The following PCDHGA7 variants were observed in gnomAD, a reference collection of about 807,000 sequenced individuals.
PCDHGA7 encodes the protein protocadherin gamma-A7.
In PCDHGA7, 44 loss-of-function variants were observed where a neutral mutation model predicts 58.3. The observed-to-expected ratio is 0.75, with a 90% CI of 0.59 to 0.97. PCDHGA7 has a LOEUF of 0.97. Among genes scored for constraint, PCDHGA7 ranks in the 50% least tolerant of loss-of-function variants. The probability of loss-of-function intolerance (pLI) is 0.00; values close to 1 mark genes in which losing one functional copy is unlikely to be tolerated. For missense variants in PCDHGA7, 1,266 were observed against 1,188.7 expected (o/e 1.06, Z -0.96); for synonymous variants, 516 against 504.2 (o/e 1.02, Z -0.31).
chr5:141,436,120 TC>T (rs2154556955), intron 1 of PCDHGA7, among the ~76,000 whole-genome samples: 1 of 152,344 alleles, frequency 6.6e-6, no homozygotes, highest in South Asian at 2.1e-4. Context: ...GAAACCTCTC[TC>T]CTCCATCATC....
At chr5:141,479,186 T>A (rs956575218) in intron 1 of PCDHGA7, 1 of 152,590 alleles carries the variant, frequency 6.6e-6, no homozygotes, top group Non-Finnish European at 1.5e-5. Flanking sequence ...GCTAGAAAAT[T>A]CAGAAAATAC....
chr5:141,449,165 G>A (rs144669334), intron 1 of PCDHGA7, among the ~76,000 whole-genome samples: 3 of 152,234 alleles, frequency 2.0e-5, no homozygotes, highest in Admixed American at 1.3e-4. Context: ...GGAAATAGGT[G>A]TAATTTTCTT....
At position 141,489,545 on chromosome 5, in the gene PCDHGA7, G is replaced by A. The variant is rs1396651116; in HGVS notation, c.2425-5262G>A. On this transcript the variant is annotated intron_variant, in intron 1 of 3. Transcript: ENST00000518325. The surrounding 1 kb of genome is among the most constrained non-coding windows in gnomAD (Gnocchi z 4.5). ...AGCCTATGTGGAGCCAGCACCAGCT[G>A]CCTGCTGCCAGTGCAGGTGGTGACT... 3 of 1,613,984 alleles carry A rather than the reference G, an allele frequency of 1.9e-6. No individual in the cohort carries two copies. The highest frequency in any genetic ancestry group is 2.5e-6 in the Non-Finnish European group (3 of 1,180,022).
rs374655655 is a variant in PCDHGA7, at chr5:141,431,023, C to A, written c.2424+45700C>A. 1 of 1,613,748 alleles carries A rather than the reference C, an allele frequency of 6.2e-7. No homozygotes were observed. The highest frequency in any genetic ancestry group is 2.2e-5 in the East Asian group (1 of 44,862). On this transcript the variant is annotated intron_variant, in intron 1 of 3. Coordinates refer to ENST00000518325, the MANE Select transcript of PCDHGA7 (RefSeq NM_018920.4). The surrounding 1 kb of genome is among the most constrained non-coding windows in gnomAD (Gnocchi z 4.8). ...GCAGCGGCAGCTTGGTCACGGCGGG[C>A]AGGATAGACCGGGAGGAGCTCTGTA...
chr5:141,503,924 G>C (rs1282755998), intron 2 of PCDHGA7, among the ~76,000 whole-genome samples: 1 of 152,146 alleles, frequency 6.6e-6, no homozygotes, highest in Non-Finnish European at 1.5e-5. Flanking sequence ...CACACACACA[G>C]ACATTTTCAT....
chr5:141,494,712 C>T, intron 1 of PCDHGA7, 95 bp from the exon 2 acceptor site: 1 of 1,603,048 alleles, frequency 6.2e-7, no homozygotes, highest in Non-Finnish European at 8.5e-7. Context: ...TCTGTGCCCA[C>T]TCCCCTCCTT....
chr5:141,431,288 C>T lies in PCDHGA7; in HGVS notation c.2424+45965C>T, dbSNP rs2097358193. ...GAGCTACGAGCTCAGCCCGAACACT[C>T]ACTTCTCCCTCATCGTGCAAAATGG... On this transcript the variant is annotated intron_variant, in intron 1 of 3. Transcript: ENST00000518325. This position sits in a 1 kb window ranked among gnomAD's most constrained non-coding sequence, Gnocchi z 4.8. 1 of 1,614,152 alleles carries T rather than the reference C, an allele frequency of 6.2e-7. No individual in the cohort carries two copies. Among genetic ancestry groups the T allele is most frequent in the East Asian group, 2.2e-5 (1 of 44,890 alleles).
At chr5:141,421,854 C>T (rs1402137870) in intron 1 of PCDHGA7, 9 of 1,613,644 alleles carry the variant, frequency 5.6e-6, no homozygotes. Flanking sequence ...AGGCTGCTCA[C>T]CTGCTCCTCC....
intron 1 of PCDHGA7, among the ~76,000 whole-genome samples, chr5:141,463,948 C>A (rs1397198849): frequency 6.6e-6 from 1 of 151,846 alleles, no homozygotes; most frequent in Non-Finnish European, 1.5e-5. Context: ...TAGAAATCTT[C>A]ATTTTTAAAA....
Position 141,432,149 on chromosome 5 carries a change from A to G in PCDHGA7, c.2424+46826A>G. The G allele has an allele frequency of 6.2e-7, 1 of 1,613,964 alleles. No individual in the cohort carries two copies. The highest frequency in any genetic ancestry group is 8.5e-7 in the Non-Finnish European group (1 of 1,179,986). On this transcript the variant is annotated intron_variant, in intron 1 of 3. Transcript: ENST00000518325. This position sits in a 1 kb window ranked among gnomAD's most constrained non-coding sequence, Gnocchi z 6.0. Reference sequence around the variant, plus strand: ...CTCCTATTCCGCTTATATCCCAGAGAACAATCCCAGAGGAGTTTCCCTCGT... The same window carrying G: ...CTCCTATTCCGCTTATATCCCAGAGGACAATCCCAGAGGAGTTTCCCTCGT...
At chr5:141,403,125 A>G (rs755647554) in intron 1 of PCDHGA7, 2 of 1,614,028 alleles carry the variant, frequency 1.2e-6, no homozygotes. Context: ...GAGCCCCGGG[A>G]GCTGGCGGAG....
At chr5:141,396,060 G>A (rs1309175410) in intron 1 of PCDHGA7, 1 of 152,318 alleles carries the variant, frequency 6.6e-6, no homozygotes, top group East Asian at 1.9e-4. Flanking sequence ...CCAATTAGCT[G>A]TTTCGGTTGT....
intron 1 of PCDHGA7, chr5:141,418,347 G>C: frequency 6.2e-7 from 1 of 1,614,024 alleles, no homozygotes; most frequent in Non-Finnish European, 8.5e-7. Context: ...CCTGATATTA[G>C]TATGAATTCG....
intron 1 of PCDHGA7, among the ~76,000 whole-genome samples, chr5:141,449,134 T>C (rs538592980): frequency 9.2e-4 from 140 of 152,242 alleles, no homozygotes; most frequent in Non-Finnish European, 1.8e-3. Context: ...AGAAATGGAA[T>C]TGAAATTGCT....
intron 1 of PCDHGA7, chr5:141,389,681 C>T (rs1172050771): frequency 1.2e-6 from 2 of 1,612,438 alleles, no homozygotes; most frequent in South Asian, 1.1e-5. Context: ...CAGGACACAA[C>T]GCCTGGCTGT....
intron 1 of PCDHGA7, chr5:141,400,116 C>G (rs2093964416): frequency 6.2e-7 from 1 of 1,614,086 alleles, no homozygotes; most frequent in African/African-American, 1.3e-5. Context: ...TTGCTGACAG[C>G]TTGCAGGAGG....
chr5:141,410,045 G>C (rs962300160), intron 1 of PCDHGA7: 1 of 1,613,166 alleles, frequency 6.2e-7, no homozygotes. Context: ...CAGTGAGCCC[G>C]GACTCTTCAG....
At chr5:141,498,352 C>T (rs1439698389) in intron 2 of PCDHGA7, among the ~76,000 whole-genome samples, 1 of 151,772 alleles carries the variant, frequency 6.6e-6, no homozygotes, top group Non-Finnish European at 1.5e-5. Flanking sequence ...AAAGCCTATG[C>T]AAAAGCCTTG....
chr5:141,402,422 T>C (rs1385083470), intron 1 of PCDHGA7, among the ~76,000 whole-genome samples: 2 of 151,998 alleles, frequency 1.3e-5, no homozygotes, highest in African/African-American at 2.4e-5. Context: ...CAGAAAAAAT[T>C]GAAGCATCAT....
Sources: gnomAD v4.1 joint callset for allele counts (sites outside exome capture counted in the v4.1 genomes callset) on GRCh38, gnomAD v4.1.1 for gene constraint, Gnocchi (gnomAD v3.1) non-coding constraint, MANE v1.5 for transcripts, NCBI Gene and HGNC (gene_info 2026-07-23, HGNC 2026-07-21) for gene names.